ASXL1: variants seen among roughly 807,000 people sequenced by gnomAD.
The protein encoded by ASXL1 is ASXL transcriptional regulator 1.
A neutral mutation model predicts 89.1 loss-of-function variants in ASXL1; 65 were observed. The ratio of observed to expected loss-of-function variants is 0.73; its 90% CI spans 0.60 to 0.90. The LOEUF (loss-of-function observed/expected upper bound fraction) is 0.90, where lower values mean the gene tolerates loss of function less well. Among genes scored for constraint, ASXL1 ranks in the 40% least tolerant of loss-of-function variants. The pLI is 0.00. For missense variants in ASXL1, 1,786 were observed against 1,942.9 expected (o/e 0.92, Z 1.52); for synonymous variants, 739 against 746.9 (o/e 0.99, Z 0.17).
At chr20:32,376,479 T>TAC (rs2048380132) in intron 4 of ASXL1, among the ~76,000 whole-genome samples, 1 of 151,928 alleles carries the variant, frequency 6.6e-6, no homozygotes, top group Non-Finnish European at 1.5e-5. Flanking sequence ...TTTTACCATG[T>TAC]TGGCCAGGCT....
At chr20:32,368,461 C>T (rs1569241669) in intron 3 of ASXL1, among the ~76,000 whole-genome samples, 1 of 152,138 alleles carries the variant, frequency 6.6e-6, no homozygotes, top group Non-Finnish European at 1.5e-5. Flanking sequence ...GAATAAAACT[C>T]AATCTCCCCA....
intron 4 of ASXL1, among the ~76,000 whole-genome samples, chr20:32,392,675 A>G (rs960987291): frequency 2.0e-5 from 3 of 151,736 alleles, no homozygotes; most frequent in Non-Finnish European, 4.4e-5. Flanking sequence ...TTGATATGCT[A>G]TGTTTTAATT....
chr20:32,419,134 T>C (rs1433962645), intron 4 of ASXL1, among the ~76,000 whole-genome samples: 1 of 151,770 alleles, frequency 6.6e-6, no homozygotes, highest in African/African-American at 2.4e-5. Context: ...CCCAGCCAAA[T>C]TGACATCTTT....
chr20:32,373,493 A>T (rs1389288278), intron 4 of ASXL1, among the ~76,000 whole-genome samples: 1 of 152,184 alleles, frequency 6.6e-6, no homozygotes, highest in African/African-American at 2.4e-5. Context: ...TTGGTTAATT[A>T]TGTGTGTGCC....
rs2123220385 is a variant in ASXL1, at chr20:32,429,825, G to A, written c.566-76G>A. 1 of 1,559,550 alleles carries A rather than the reference G, an allele frequency of 6.4e-7. No homozygotes were observed. Among genetic ancestry groups the A allele is most frequent in the Non-Finnish European group, 8.7e-7 (1 of 1,150,708 alleles). ...TGCTGGCAGCATCTCAGGGAGAGCT[G>A]GGAGAAATGAGCTTGTCTGAGAGCC... On this transcript the variant is annotated intron_variant, in intron 7 of 12. Transcript: ENST00000375687. This position sits in a 1 kb window ranked among gnomAD's most constrained non-coding sequence, Gnocchi z 4.9.
At chr20:32,419,819 A>C (rs1017320684) in intron 4 of ASXL1, among the ~76,000 whole-genome samples, 25 of 151,638 alleles carry the variant, frequency 1.6e-4, no homozygotes, top group Non-Finnish European at 5.9e-5. Flanking sequence ...GGCCGGGATT[A>C]CAGGCGTGCG....
At position 32,417,293 on chromosome 20, in the gene ASXL1, C is replaced by G. The variant is rs76693063; in HGVS notation, c.253-10835C>G. ...TAAGGGATTGTGGACCTGTGGTCAC[C>G]ATTAGCTAGAAAGTTTCAGCTGTGA... is the stretch of plus-strand genomic sequence containing the variant. On this transcript the variant is annotated intron_variant, in intron 4 of 12. Coordinates refer to ENST00000375687, the MANE Select transcript of ASXL1 (RefSeq NM_015338.6). 2.2e-3 allele frequency among the ~76,000 whole-genome samples: 329 copies of G among 152,208 alleles called. 3 individuals are homozygous for G. Among genetic ancestry groups the G allele is most frequent in the African/African-American group, 7.5e-3 (313 of 41,534 alleles).
intron 1 of ASXL1, among the ~76,000 whole-genome samples, chr20:32,361,942 G>A (rs1006892434): frequency 9.2e-5 from 14 of 151,978 alleles, no homozygotes; most frequent in Admixed American, 9.2e-4. Flanking sequence ...GATGGTGCAT[G>A]CCTGTAACCT....
intron 4 of ASXL1, among the ~76,000 whole-genome samples, chr20:32,389,974 A>AT (rs931009320): frequency 3.7e-4 from 56 of 152,356 alleles, no homozygotes; most frequent in African/African-American, 1.3e-3. Context: ...TGCTATTTAA[A>AT]TATATGCCAT....
intron 4 of ASXL1, among the ~76,000 whole-genome samples, chr20:32,390,233 A>G (rs2048648077): frequency 6.6e-6 from 1 of 152,214 alleles, no homozygotes; most frequent in African/African-American, 2.4e-5. Flanking sequence ...AATTTATTGA[A>G]TACTAAAGTG....
intron 4 of ASXL1, among the ~76,000 whole-genome samples, chr20:32,370,727 T>C (rs893851439): frequency 1.3e-5 from 2 of 152,160 alleles, no homozygotes; most frequent in African/African-American, 2.4e-5. Flanking sequence ...AAATAAAGTT[T>C]ATCTTGGGGT....
At chr20:32,362,880 G>T (rs1001219039) in intron 1 of ASXL1, among the ~76,000 whole-genome samples, 4 of 152,214 alleles carry the variant, frequency 2.6e-5, no homozygotes, top group African/African-American at 9.6e-5. Context: ...TTGTTTGGGA[G>T]AAATAGCCAA....
intron 4 of ASXL1, among the ~76,000 whole-genome samples, chr20:32,426,709 G>T (rs1308473027): frequency 1.3e-5 from 2 of 151,576 alleles, no homozygotes; most frequent in Admixed American, 1.3e-4. Context: ...ACAGGCGCGT[G>T]CCACCACACC....
At position 32,436,655 on chromosome 20, in the gene ASXL1, C is replaced by T; in HGVS notation, c.3943C>T (p.Gln1315Ter). The change falls in exon 13 of 13, where the codon CAG becomes TAG. Residue 1315 changes from glutamine to a stop codon, truncating the protein, a stop_gained. Transcript: ENST00000375687. LOFTEE classifies it high-confidence loss of function. ...FGSGNVAATL[Q>*]RPRPADPMPL... is the part of the protein sequence containing the mutation. Reference sequence around the variant, plus strand: ...CTCTGGGAATGTGGCTGCAACCCTTCAGCGCCCCAGGCCTGCGGACCCGAT... The same window carrying T: ...CTCTGGGAATGTGGCTGCAACCCTTTAGCGCCCCAGGCCTGCGGACCCGAT... The T allele has an allele frequency of 6.2e-7, 1 of 1,614,078 alleles. No individual in the cohort carries two copies. The highest frequency in any genetic ancestry group is 8.5e-7 in the Non-Finnish European group (1 of 1,180,046).
At chr20:32,391,493 C>T (rs1175723768) in intron 4 of ASXL1, among the ~76,000 whole-genome samples, 1 of 151,878 alleles carries the variant, frequency 6.6e-6, no homozygotes, top group Non-Finnish European at 1.5e-5. Context: ...TTTTTGTTTT[C>T]GTTGTATTTG....
intron 4 of ASXL1, among the ~76,000 whole-genome samples, chr20:32,404,895 T>C (rs2048930499): frequency 6.6e-6 from 1 of 152,236 alleles, no homozygotes; most frequent in South Asian, 2.1e-4. Flanking sequence ...TAAATAATTA[T>C]GCTTTCTTTT....
chr20:32,361,840 C>T (rs371937905), intron 1 of ASXL1, among the ~76,000 whole-genome samples: 6 of 151,914 alleles, frequency 3.9e-5, no homozygotes, highest in Non-Finnish European at 5.9e-5. Flanking sequence ...CCGAGGCAGA[C>T]GGATCACCTG....
chr20:32,431,636 T>C lies in ASXL1; in HGVS notation c.936T>C (p.Phe312=), dbSNP rs2011517467. 1 of 1,613,868 alleles carries C rather than the reference T, an allele frequency of 6.2e-7. No homozygotes were observed. The highest frequency in any genetic ancestry group is 8.5e-7 in the Non-Finnish European group (1 of 1,180,036). Residue 312 remains phenylalanine (F), a synonymous_variant, in exon 10 of 13, where the codon TTT becomes TTC. Transcript: ENST00000375687. The stretch of plus-strand genomic sequence containing the variant: ...GCAGCAGTGCACTAAATAACGAGTT[T>C]TTTACCCATGCGGCTCAGAGCTGGC... ...RLSSSALNNE[F]FTHAAQSWRE... is the part of the protein sequence containing the mutation.
chr20:32,406,522 G>T (rs767176103), intron 4 of ASXL1, among the ~76,000 whole-genome samples: 8 of 152,208 alleles, frequency 5.3e-5, no homozygotes, highest in Non-Finnish European at 8.8e-5. Context: ...CTGCACTCCA[G>T]CCAGAGCTAC....
Sources: allele counts gnomAD v4.1 joint callset (sites outside exome capture counted in the v4.1 genomes callset), GRCh38; gene constraint gnomAD v4.1.1; non-coding constraint Gnocchi (gnomAD v3.1); transcripts MANE v1.5; gene names NCBI Gene and HGNC (gene_info 2026-07-23, HGNC 2026-07-21).